Variants in LHFPL6 observed in about 807,000 individuals in gnomAD.
The protein encoded by LHFPL6 is LHFPL tetraspan subfamily member 6 protein.
A neutral mutation model predicts 20.6 loss-of-function variants in LHFPL6; 9 were observed. That is an observed-to-expected ratio of 0.44 (90% CI 0.26 to 0.76). LHFPL6 has a LOEUF of 0.76. LHFPL6 is among the 30% of genes least tolerant of loss of function. LHFPL6 has a pLI of 0.20. For synonymous variants in LHFPL6, 105 were observed against 98.7 expected, an observed-to-expected ratio of 1.06 and a Z score of -0.38; for missense variants, 218 against 253.5, an observed-to-expected ratio of 0.86 and a Z score of 0.95.
chr13:39,558,216 T>C (rs1416262488), intron 2 of LHFPL6, among the ~76,000 whole-genome samples: 2 of 152,132 alleles, frequency 1.3e-5, no homozygotes, highest in Non-Finnish European at 2.9e-5. Context: ...GTAACAGACT[T>C]TGTAGATGAG....
At chr13:39,557,637 T>C (rs1871346061) in intron 2 of LHFPL6, among the ~76,000 whole-genome samples, 1 of 152,346 alleles carries the variant, frequency 6.6e-6, no homozygotes, top group African/African-American at 2.4e-5. Flanking sequence ...ATGAGATCTG[T>C]GGGGGCCACA....
intron 2 of LHFPL6, among the ~76,000 whole-genome samples, chr13:39,578,473 C>T (rs762996447): frequency 6.6e-6 from 1 of 152,080 alleles, no homozygotes; most frequent in Non-Finnish European, 1.5e-5. Flanking sequence ...GCATCCAAGA[C>T]AGAAAACTGC....
intron 2 of LHFPL6, among the ~76,000 whole-genome samples, chr13:39,494,634 C>G (rs1869037432): frequency 6.6e-6 from 1 of 152,168 alleles, no homozygotes; most frequent in African/African-American, 2.4e-5. Context: ...TTATCCTAAT[C>G]ATGTCAAAGT....
intron 2 of LHFPL6, among the ~76,000 whole-genome samples, chr13:39,380,679 G>T (rs1870415228): frequency 6.6e-6 from 1 of 152,090 alleles, no homozygotes; most frequent in South Asian, 2.1e-4. Context: ...TTTTAGTAGA[G>T]ATGGGGTTTC....
chr13:39,528,479 A>T (rs1351822658), intron 2 of LHFPL6, among the ~76,000 whole-genome samples: 2 of 152,170 alleles, frequency 1.3e-5, no homozygotes, highest in African/African-American at 4.8e-5. Flanking sequence ...CATCCCAAAG[A>T]GCTCCAGTGC....
intron 2 of LHFPL6, among the ~76,000 whole-genome samples, chr13:39,484,043 T>G (rs1371380688): frequency 1.3e-4 from 20 of 152,174 alleles, no homozygotes; most frequent in Admixed American, 1.2e-3. Context: ...AAGTATTGGC[T>G]CTTCTCAAAT....
intron 2 of LHFPL6, among the ~76,000 whole-genome samples, chr13:39,595,491 T>C (rs7319092): frequency 0.022 from 3,353 of 152,222 alleles, 137 homozygotes; most frequent in African/African-American, 0.077. Context: ...CAGGGTTTTG[T>C]CATGTTGGGC....
At chr13:39,466,499 T>C (rs895171867) in intron 2 of LHFPL6, among the ~76,000 whole-genome samples, 1 of 152,216 alleles carries the variant, frequency 6.6e-6, no homozygotes, top group East Asian at 1.9e-4. Flanking sequence ...CTTAAGAGTA[T>C]GGCTACTACA....
chr13:39,562,948 G>A (rs574880275), intron 2 of LHFPL6, among the ~76,000 whole-genome samples: 1 of 152,000 alleles, frequency 6.6e-6, no homozygotes, highest in Non-Finnish European at 1.5e-5. Context: ...CTCACAGAGG[G>A]GAAATAGAGG....
intron 2 of LHFPL6, among the ~76,000 whole-genome samples, chr13:39,435,137 G>T (rs1871922806): frequency 6.8e-6 from 1 of 146,336 alleles, no homozygotes; most frequent in Admixed American, 6.8e-5. Context: ...GTGACAAAAT[G>T]AGAAATATGC....
intron 2 of LHFPL6, among the ~76,000 whole-genome samples, chr13:39,434,356 G>A (rs1329225121): frequency 6.6e-6 from 1 of 152,178 alleles, no homozygotes; most frequent in African/African-American, 2.4e-5. Context: ...AGCATGCAAA[G>A]AAGGCAGCAG....
In LHFPL6 at chr13:39,425,211, G is replaced by T. The variant is rs555377538; in HGVS notation, c.386-46685C>A. On this transcript the variant is annotated intron_variant, in intron 2 of 3. Coordinates refer to ENST00000379589, the MANE Select transcript of LHFPL6 (RefSeq NM_005780.3). ...TCTGGCTTCTTTCACTCAGCATAAT[G>T]ATTTTGAGAGTCACCCTAATTGAGC... 2.2e-3 allele frequency among the ~76,000 whole-genome samples: 329 copies of T among 152,240 alleles called. 1 individual carries two copies. The highest frequency in any genetic ancestry group is 4.2e-3 in the Non-Finnish European group (287 of 68,006).
chr13:39,594,321 C>T (rs1593378011), intron 2 of LHFPL6, among the ~76,000 whole-genome samples: 1 of 152,276 alleles, frequency 6.6e-6, no homozygotes, highest in African/African-American at 2.4e-5. Flanking sequence ...TGAACAGACA[C>T]TTCTCAAAAG....
chr13:39,390,439 A>G (rs769893009), intron 2 of LHFPL6, among the ~76,000 whole-genome samples: 3 of 152,174 alleles, frequency 2.0e-5, no homozygotes, highest in Non-Finnish European at 4.4e-5. Flanking sequence ...TCAAGCCTGC[A>G]GTGAGCTATG....
chr13:39,529,119 TC>T (rs886727577), intron 2 of LHFPL6, among the ~76,000 whole-genome samples: 1 of 151,782 alleles, frequency 6.6e-6, no homozygotes, highest in Non-Finnish European at 1.5e-5. Context: ...TGAGGCAGAG[TC>T]CCACTCTGTT....
intron 2 of LHFPL6, among the ~76,000 whole-genome samples, chr13:39,395,102 G>C (rs1216059261): frequency 6.6e-6 from 1 of 152,044 alleles, no homozygotes; most frequent in Non-Finnish European, 1.5e-5. Context: ...CTTCCTCCAG[G>C]GAAACTATCA....
intron 2 of LHFPL6, among the ~76,000 whole-genome samples, chr13:39,598,537 A>C (rs1391904982): frequency 6.6e-6 from 1 of 151,930 alleles, no homozygotes; most frequent in East Asian, 1.9e-4. Flanking sequence ...CTACTAACAA[A>C]TTTTATTTAT....
At chr13:39,568,157 C>T (rs1871788638) in intron 2 of LHFPL6, among the ~76,000 whole-genome samples, 1 of 152,116 alleles carries the variant, frequency 6.6e-6, no homozygotes, top group Non-Finnish European at 1.5e-5. Context: ...AACTTCCAGA[C>T]ATCCACCTGT....
chr13:39,352,909 ATG>A lies in LHFPL6; in HGVS notation c.485-8857_485-8856del, dbSNP rs1593281788. Among the ~76,000 whole-genome samples, 30 of 42,018 alleles carry A rather than the reference ATG, an allele frequency of 7.1e-4. 1 individual carries two copies. The highest frequency in any genetic ancestry group is 1.0e-3 in the African/African-American group (13 of 12,998). The allele number at this position is 42,018 out of a possible 152,430, so 27.6% of individuals were successfully genotyped here. A position where few individuals can be genotyped will look rare whatever the true frequency, so the allele number is the denominator to read the frequency against. ...TATATATATGTGTATATATATATAAATGTATATATATATAAATGTATATATAT... is the reference window on the plus strand; with the variant it reads ...TATATATATGTGTATATATATATAAATATATATATATAAATGTATATATAT... On this transcript the variant is annotated intron_variant, in intron 3 of 3. Coordinates refer to ENST00000379589, the MANE Select transcript of LHFPL6 (RefSeq NM_005780.3).
Sources: gnomAD v4.1 joint callset for allele counts (sites outside exome capture counted in the v4.1 genomes callset) on GRCh38, gnomAD v4.1.1 for gene constraint, MANE v1.5 for transcripts, NCBI Gene and HGNC (gene_info 2026-07-23, HGNC 2026-07-21) for gene names.